PTPRG: variants seen among roughly 807,000 people sequenced by gnomAD.
PTPRG encodes receptor-type tyrosine-protein phosphatase gamma.
A neutral mutation model predicts 165.3 loss-of-function variants in PTPRG; 102 were observed. The ratio of observed to expected loss-of-function variants is 0.62; its 90% confidence interval spans 0.53 to 0.73. PTPRG has a LOEUF of 0.73. Ranked by LOEUF, PTPRG falls within the 30% of genes least tolerant of loss-of-function variation. The pLI is 0.00. For synonymous variants in PTPRG, 675 were observed against 669.5 expected, an observed-to-expected ratio of 1.01 and a Z score of -0.13; for missense variants, 1,866 against 1,861.4, an observed-to-expected ratio of 1.00 and a Z score of -0.05.
Position 61,870,727 on chromosome 3 carries a change from G to A in PTPRG, c.191-118898G>A, listed in dbSNP as rs575298150. On this transcript the variant is annotated intron_variant, in intron 2 of 29. Coordinates refer to ENST00000474889, the MANE Select transcript of PTPRG (RefSeq NM_002841.4). ...TACCTCCCAGTTTTGAGCATCAATT[G>A]GTAACAAAATCTGTGTAAGTGTTGT... Among the ~76,000 whole-genome samples the A allele has an allele frequency of 4.6e-5, 7 of 151,644 alleles. No individual in the cohort carries two copies. The South Asian group carries it at 1.5e-3, about 32-fold the overall frequency.
chr3:62,216,331 G>A (rs920904020), intron 12 of PTPRG, among the ~76,000 whole-genome samples: 4 of 152,148 alleles, frequency 2.6e-5, no homozygotes, highest in Non-Finnish European at 5.9e-5. Context: ...GGTTCGGGAT[G>A]AATAGGACAT....
intron 1 of PTPRG, among the ~76,000 whole-genome samples, chr3:61,564,496 C>T (rs1699857564): frequency 6.6e-6 from 1 of 152,138 alleles, no homozygotes; most frequent in Non-Finnish European, 1.5e-5. Context: ...CTTTTCGCGC[C>T]CACGCTGCGA....
At chr3:62,012,789 AG>A (rs1287553341) in intron 4 of PTPRG, among the ~76,000 whole-genome samples, 23 of 152,222 alleles carry the variant, frequency 1.5e-4, no homozygotes, top group African/African-American at 4.1e-4. Flanking sequence ...ATCGTAGGAA[AG>A]AAAAAAATGA....
At chr3:61,699,590 G>T (rs903614551) in intron 1 of PTPRG, among the ~76,000 whole-genome samples, 1 of 152,116 alleles carries the variant, frequency 6.6e-6, no homozygotes, top group Non-Finnish European at 1.5e-5. Context: ...GAACATTTCA[G>T]TGTCTGTTCC....
chr3:61,594,120 A>G (rs972339510), intron 1 of PTPRG, among the ~76,000 whole-genome samples: 1 of 152,192 alleles, frequency 6.6e-6, no homozygotes, highest in African/African-American at 2.4e-5. Flanking sequence ...TTCTTAACAG[A>G]ATAGCCTACC....
intron 2 of PTPRG, among the ~76,000 whole-genome samples, chr3:61,872,576 C>T (rs2037614160): frequency 6.6e-6 from 1 of 152,094 alleles, no homozygotes; most frequent in Non-Finnish European, 1.5e-5. Flanking sequence ...TGTTGCCTGA[C>T]CCTGAGTAAG....
intron 1 of PTPRG, among the ~76,000 whole-genome samples, chr3:61,722,204 G>T (rs1008843096): frequency 4.1e-5 from 6 of 147,958 alleles, no homozygotes; most frequent in Non-Finnish European, 7.4e-5. Context: ...GAAGAGCAAA[G>T]AGAGAGGGCA....
intron 14 of PTPRG, among the ~76,000 whole-genome samples, chr3:62,235,816 A>G (rs1701019596): frequency 1.3e-5 from 2 of 151,932 alleles, no homozygotes; most frequent in African/African-American, 2.4e-5. Context: ...CCCATCCATC[A>G]CTGCATGATT....
At chr3:62,264,840 CTA>C (rs1199340710) in intron 17 of PTPRG, among the ~76,000 whole-genome samples, 1 of 151,544 alleles carries the variant, frequency 6.6e-6, no homozygotes, top group Non-Finnish European at 1.5e-5. Flanking sequence ...TATGGTAATT[CTA>C]TGTTTAAAAT....
At chr3:61,585,616 G>C (rs531331285) in intron 1 of PTPRG, among the ~76,000 whole-genome samples, 3 of 151,378 alleles carry the variant, frequency 2.0e-5, no homozygotes, top group Non-Finnish European at 4.4e-5. Context: ...GTGTGGTTCC[G>C]TGTGCCTATA....
At chr3:62,015,095 T>C (rs530876896) in intron 4 of PTPRG, among the ~76,000 whole-genome samples, 1 of 152,336 alleles carries the variant, frequency 6.6e-6, no homozygotes, top group East Asian at 1.9e-4. Flanking sequence ...GATAATACAG[T>C]ATGTAGAATG....
intron 4 of PTPRG, among the ~76,000 whole-genome samples, chr3:62,027,094 C>T (rs2041823021): frequency 1.3e-5 from 2 of 151,838 alleles, no homozygotes; most frequent in Admixed American, 6.6e-5. Flanking sequence ...CTCCCCGTGC[C>T]CTGTTTTCTT....
At chr3:61,727,226 G>C (rs1462114764) in intron 1 of PTPRG, among the ~76,000 whole-genome samples, 2 of 141,054 alleles carry the variant, frequency 1.4e-5, no homozygotes, top group Admixed American at 7.1e-5. Context: ...TTTTTTTTTT[G>C]AGATGGAGTA....
intron 28 of PTPRG, among the ~76,000 whole-genome samples, chr3:62,285,878 C>G (rs1702635933): frequency 6.6e-6 from 1 of 152,156 alleles, no homozygotes; most frequent in Non-Finnish European, 1.5e-5. Context: ...CTTAATTACT[C>G]ACTCTGGAGA....
chr3:62,074,085 G>A (rs1200204536), intron 4 of PTPRG, among the ~76,000 whole-genome samples: 2 of 152,034 alleles, frequency 1.3e-5, no homozygotes, highest in African/African-American at 4.8e-5. Context: ...GTAAGAGAAT[G>A]TCCTTATTCT....
In PTPRG at chr3:61,891,912, T is replaced by C. The variant is rs1292742662; in HGVS notation, c.191-97713T>C. On this transcript the variant is annotated intron_variant, in intron 2 of 29. Coordinates refer to ENST00000474889, the MANE Select transcript of PTPRG (RefSeq NM_002841.4). ...TTTCACTAAGTTTTCTTTTCTTTTT[T>C]TTTTTCAGTAAATTAATACAAACTG... Among the ~76,000 whole-genome samples the C allele has an allele frequency of 1.3e-5, 2 of 152,198 alleles. 1 individual carries two copies. Among genetic ancestry groups the C allele is most frequent in the East Asian group, 3.8e-4 (2 of 5,196 alleles).
At chr3:61,584,405 C>T (rs541926311) in intron 1 of PTPRG, among the ~76,000 whole-genome samples, 1 of 152,244 alleles carries the variant, frequency 6.6e-6, no homozygotes, top group South Asian at 2.1e-4. Context: ...CTGATTACCT[C>T]CAGAGTTCCT....
At chr3:62,196,562 G>C (rs1183468733) in intron 10 of PTPRG, among the ~76,000 whole-genome samples, 1 of 152,114 alleles carries the variant, frequency 6.6e-6, no homozygotes, top group Non-Finnish European at 1.5e-5. Context: ...GTATTATTTA[G>C]GCAGCTGTGG....
rs373090043 is a variant in PTPRG, at chr3:61,815,396, G to A, written c.190+66414G>A. ...CCAGACTGGGCAACAGAACGAGACCGTCTCAAAAATTAAAATTAAAAATAA... is the reference window on the plus strand; with the variant it reads ...CCAGACTGGGCAACAGAACGAGACCATCTCAAAAATTAAAATTAAAAATAA... On this transcript the variant is annotated intron_variant, in intron 2 of 29. Coordinates refer to ENST00000474889, the MANE Select transcript of PTPRG (RefSeq NM_002841.4). 3.9e-5 allele frequency among the ~76,000 whole-genome samples: 6 copies of A among 152,000 alleles called. No individual in the cohort carries two copies. The South Asian group carries it at 6.2e-4, about 16-fold the overall frequency.
Sources: gnomAD v4.1 joint callset for allele counts (sites outside exome capture counted in the v4.1 genomes callset) on GRCh38, gnomAD v4.1.1 for gene constraint, MANE v1.5 for transcripts, NCBI Gene and HGNC (gene_info 2026-07-23, HGNC 2026-07-21) for gene names.